The following ASAP2 variants were observed in gnomAD, a reference collection of about 807,000 sequenced individuals.
ASAP2 encodes the protein ArfGAP with SH3 domain, ankyrin repeat and PH domain 2, also known as arf-GAP with SH3 domain, ANK repeat and PH domain-containing protein 2.
ASAP2 carries 45 observed loss-of-function variants against 131.4 expected under a neutral mutation model. The observed-to-expected ratio is 0.34, with a 90% CI of 0.27 to 0.44. ASAP2 has a LOEUF of 0.44. Among genes scored for constraint, ASAP2 ranks in the 20% least tolerant of loss-of-function variants. ASAP2 has a pLI of 1.00. For missense variants in ASAP2, 1,011 were observed against 1,297.0 expected, an observed-to-expected ratio of 0.78 and a Z score of 3.39; for synonymous variants, 510 against 503.0, an observed-to-expected ratio of 1.01 and a Z score of -0.19.
rs756982587 is a variant in ASAP2, at chr2:9,356,247, C to G, written c.1229C>G (p.Thr410Ser). The G allele has an allele frequency of 1.2e-6, 2 of 1,613,926 alleles. No homozygotes were observed. The highest frequency in any genetic ancestry group is 4.5e-5 in the East Asian group (2 of 44,888). Residue 410 changes from threonine (T) to serine (S), a missense_variant, in exon 14 of 28, where the codon ACT (threonine) becomes AGT (serine). This residue lies in a region of ASAP2 where 359 missense variants were observed against 598.1 expected (regional missense o/e 0.60). Coordinates refer to ENST00000281419, the MANE Select transcript of ASAP2 (RefSeq NM_003887.3). ...LNNAFKGDDN[T>S]GENNIVQELT... ...AATGCATTTAAGGGGGATGACAATA[C>G]TGGAGAAAATAACATCGTCCAAGAA...
chr2:9,326,274 C>T (rs1324599639), intron 6 of ASAP2, among the ~76,000 whole-genome samples: 1 of 152,162 alleles, frequency 6.6e-6, no homozygotes, highest in Non-Finnish European at 1.5e-5. Flanking sequence ...TTGACTGTTT[C>T]CCCAAACTGA....
intron 14 of ASAP2, among the ~76,000 whole-genome samples, chr2:9,358,349 A>G (rs979477642): frequency 3.3e-5 from 5 of 152,178 alleles, no homozygotes; most frequent in African/African-American, 1.2e-4. Flanking sequence ...TTTTAAGCCT[A>G]TTCCCCTTTT....
Position 9,276,188 on chromosome 2 carries a change from A to G in ASAP2, c.127-3129A>G, listed in dbSNP as rs192204929. On this transcript the variant is annotated intron_variant, in intron 1 of 27. Coordinates refer to ENST00000281419, the MANE Select transcript of ASAP2 (RefSeq NM_003887.3). Reference sequence around the variant, plus strand: ...AGGTAGAAGGTGCTCACACCATTTTATCCAATGAAATGCTAAGCACAGGGC... The same window carrying G: ...AGGTAGAAGGTGCTCACACCATTTTGTCCAATGAAATGCTAAGCACAGGGC... 1.3e-3 allele frequency among the ~76,000 whole-genome samples: 197 copies of G among 152,332 alleles called. 3 individuals are homozygous for G. In the Middle Eastern group the frequency reaches 0.017, roughly 13 times the overall value.
At chr2:9,209,278 C>T (rs1170405992) in intron 1 of ASAP2, among the ~76,000 whole-genome samples, 2 of 152,192 alleles carry the variant, frequency 1.3e-5, no homozygotes, top group Non-Finnish European at 2.9e-5. Context: ...GGTTTTATAA[C>T]TAAATTTGAA....
At chr2:9,397,915 C>T (rs1209523385) in intron 24 of ASAP2, among the ~76,000 whole-genome samples, 3 of 150,654 alleles carry the variant, frequency 2.0e-5, no homozygotes, top group Admixed American at 6.6e-5. Context: ...CCCGCCACCA[C>T]GCCCGGCTAA....
intron 21 of ASAP2, among the ~76,000 whole-genome samples, chr2:9,386,814 T>C (rs1429287249): frequency 6.6e-6 from 1 of 152,228 alleles, no homozygotes; most frequent in Non-Finnish European, 1.5e-5. Context: ...GTTGAGTCAT[T>C]TGCTCACAAT....
At chr2:9,286,447 A>ATATATATATATAT (rs1553304560) in intron 2 of ASAP2, among the ~76,000 whole-genome samples, 153 of 148,480 alleles carry the variant, frequency 1.0e-3, no homozygotes, top group African/African-American at 2.8e-3. Context: ...GAAAAAAAAA[A>ATATATATATATAT]ATATATATAT....
chr2:9,229,150 C>A (rs1422764732), intron 1 of ASAP2, among the ~76,000 whole-genome samples: 1 of 147,688 alleles, frequency 6.8e-6, no homozygotes, highest in African/African-American at 2.6e-5. Flanking sequence ...AGATGTGGAG[C>A]CCCCCCCGCA....
chr2:9,221,130 C>T (rs562846403), intron 1 of ASAP2, among the ~76,000 whole-genome samples: 1 of 151,958 alleles, frequency 6.6e-6, no homozygotes, highest in Non-Finnish European at 1.5e-5. Context: ...ATTGTTTTGG[C>T]TATTGAGGCT....
At chr2:9,324,292 G>T (rs77711980) in intron 6 of ASAP2, among the ~76,000 whole-genome samples, 36 of 152,302 alleles carry the variant, frequency 2.4e-4, no homozygotes, top group Non-Finnish European at 4.7e-4. Context: ...ACTCTTAAGT[G>T]GTCAGCAGAG....
chr2:9,387,352 T>C (rs1419824755), intron 21 of ASAP2, among the ~76,000 whole-genome samples: 1 of 152,202 alleles, frequency 6.6e-6, no homozygotes, highest in Non-Finnish European at 1.5e-5. Context: ...TCTGCCAGGA[T>C]GGCTCAAAAG....
chr2:9,338,008 G>T (rs558020379), intron 9 of ASAP2, among the ~76,000 whole-genome samples: 2 of 152,256 alleles, frequency 1.3e-5, no homozygotes, highest in South Asian at 2.1e-4. Context: ...AAACTCGTTG[G>T]CACTGCTCAT....
chr2:9,376,599 A>G (rs560282849), intron 17 of ASAP2, among the ~76,000 whole-genome samples: 1 of 152,376 alleles, frequency 6.6e-6, no homozygotes, highest in African/African-American at 2.4e-5. Flanking sequence ...TCTTGCTTGC[A>G]GGCAGGGATC....
At chr2:9,358,990 A>C in intron 15 of ASAP2, 101 bp downstream of exon 15, 1 of 1,364,042 alleles carries the variant, frequency 7.3e-7, no homozygotes, top group Non-Finnish European at 9.9e-7. Context: ...GTGGTTGTTG[A>C]TATGTTGCCA....
chr2:9,301,991 T>A (rs1297142803), intron 3 of ASAP2, among the ~76,000 whole-genome samples: 1 of 151,520 alleles, frequency 6.6e-6, no homozygotes, highest in Non-Finnish European at 1.5e-5. Context: ...GCCCGGCTAG[T>A]TTTTGGTATT....
chr2:9,310,874 CTA>C (rs1669249205), intron 3 of ASAP2, among the ~76,000 whole-genome samples: 1 of 152,164 alleles, frequency 6.6e-6, no homozygotes, highest in South Asian at 2.1e-4. Context: ...GCCTTCTGGC[CTA>C]TCTTTGTTTG....
chr2:9,385,973 G>C (rs1299322512), intron 21 of ASAP2, among the ~76,000 whole-genome samples: 2 of 152,200 alleles, frequency 1.3e-5, no homozygotes, highest in African/African-American at 4.8e-5. Context: ...CTGCCTTCAC[G>C]CAGGACTTGG....
intron 16 of ASAP2, among the ~76,000 whole-genome samples, chr2:9,370,395 A>G (rs2148699911): frequency 6.6e-6 from 1 of 152,260 alleles, no homozygotes; most frequent in South Asian, 2.1e-4. Flanking sequence ...TTTCCTTGAG[A>G]ATTGGATAAC....
rs1672134018 is a variant in ASAP2, at chr2:9,348,660, A to G, written c.1024-2148A>G. Among the ~76,000 whole-genome samples, 4 of 152,332 alleles carry G rather than the reference A, an allele frequency of 2.6e-5. 1 individual carries two copies. In the South Asian group the frequency reaches 6.2e-4, roughly 24 times the overall value. On this transcript the variant is annotated intron_variant, in intron 11 of 27. Transcript: ENST00000281419. The stretch of plus-strand genomic sequence containing the variant: ...TTGTCATTTTTTAATATGTAGGCAC[A>G]TTTATGTCTTCATAAATTATTCCTA...
Sources: allele counts gnomAD v4.1 joint callset (sites outside exome capture counted in the v4.1 genomes callset), GRCh38; gene constraint gnomAD v4.1.1; regional missense constraint gnomAD v4.1.1; transcripts MANE v1.5; gene names NCBI Gene and HGNC (gene_info 2026-07-23, HGNC 2026-07-21).